The following LMNTD1 variants were observed in gnomAD, a reference collection of about 807,000 sequenced individuals.
LMNTD1 encodes the protein lamin tail domain-containing protein 1.
Under a neutral mutation model 50.9 loss-of-function variants are expected in LMNTD1, and 35 were observed. That is an observed-to-expected ratio of 0.69 (90% CI 0.53 to 0.91). The LOEUF (loss-of-function observed/expected upper bound fraction) is 0.91. Among genes scored for constraint, LMNTD1 ranks in the 40% least tolerant of loss-of-function variants. The pLI is 0.00. For synonymous variants in LMNTD1, 153 were observed against 161.9 expected, an observed-to-expected ratio of 0.94 and a Z score of 0.42; for missense variants, 470 against 475.5, an observed-to-expected ratio of 0.99 and a Z score of 0.11.
At chr12:25,516,709 AAG>A (rs1362277519) in intron 8 of LMNTD1, among the ~76,000 whole-genome samples, 1 of 152,124 alleles carries the variant, frequency 6.6e-6, no homozygotes, top group African/African-American at 2.4e-5. Flanking sequence ...TTTTATGAAA[AAG>A]AAATATAAAC....
At chr12:25,584,500 C>T (rs1014383634) in intron 1 of LMNTD1, among the ~76,000 whole-genome samples, 4 of 152,132 alleles carry the variant, frequency 2.6e-5, no homozygotes, top group Admixed American at 2.6e-4. Context: ...ATTTTATATG[C>T]CTGAGGACAT....
At chr12:25,573,332 T>G (rs1336923187) in intron 1 of LMNTD1, among the ~76,000 whole-genome samples, 1 of 152,158 alleles carries the variant, frequency 6.6e-6, no homozygotes, top group Non-Finnish European at 1.5e-5. Flanking sequence ...CAGCTGTCTC[T>G]AATTATTAGG....
chr12:25,622,141 C>T (rs545132482), intron 1 of LMNTD1, among the ~76,000 whole-genome samples: 3 of 152,286 alleles, frequency 2.0e-5, no homozygotes, highest in Non-Finnish European at 2.9e-5. Flanking sequence ...AAGGGGGCAT[C>T]CCCAGGGAAG....
intron 1 of LMNTD1, among the ~76,000 whole-genome samples, chr12:25,616,289 G>A (rs1245069976): frequency 1.3e-5 from 2 of 152,094 alleles, no homozygotes; most frequent in African/African-American, 4.8e-5. Context: ...TATTTAGGCA[G>A]ACATTGTGCT....
rs182252548 is a variant in LMNTD1 at position 25,480,874 on chromosome 12, C to T, written c.*23-4414G>A. ...CATGAGGTAAAGATACCCTATCTCA[C>T]AGGTGGGCCTGTCTAGCTTGCTGTC... On this transcript the variant is annotated intron_variant, in intron 9 of 9. Coordinates refer to ENST00000458174, the MANE Select transcript of LMNTD1 (RefSeq NM_001145728.2). Among the ~76,000 whole-genome samples, 347 of 152,320 alleles carry T rather than the reference C, an allele frequency of 2.3e-3. 1 individual carries two copies. The highest frequency in any genetic ancestry group is 3.7e-3 in the South Asian group (18 of 4,826).
At chr12:25,606,543 G>T (rs1101395) in intron 1 of LMNTD1, among the ~76,000 whole-genome samples, 8 of 151,898 alleles carry the variant, frequency 5.3e-5, no homozygotes, top group Admixed American at 3.9e-4. Context: ...TAGCATGAAG[G>T]GTTGTTGAAT....
chr12:25,488,944 G>A (rs370409972), intron 9 of LMNTD1, among the ~76,000 whole-genome samples: 2,419 of 152,292 alleles, frequency 0.016, 40 homozygotes, highest in South Asian at 0.05. Context: ...CTGCTCGGGG[G>A]TCAGGGGTCA....
intron 1 of LMNTD1, among the ~76,000 whole-genome samples, chr12:25,580,212 A>G (rs928469763): frequency 6.6e-6 from 1 of 152,014 alleles, no homozygotes; most frequent in Non-Finnish European, 1.5e-5. Flanking sequence ...CATCATCTCT[A>G]TTTTGTAGTT....
Position 25,549,397 on chromosome 12 carries a change from G to A in LMNTD1, c.239C>T (p.Thr80Ile), listed in dbSNP as rs1395945050. ...AGTCAATTGTCCAGTTGTTGATATA[G>A]TTACTCTACTAATCTGAGGACTAGA... ...YLSSPQISRV[T>I]ISTTGQLTSK... The change falls in exon 3 of 10, where the codon ACT becomes ATT. Residue 80 changes from threonine (T) to isoleucine (I), a missense_variant. Physicochemically the swap from Thr to Ile is moderately conservative, Grantham distance 89 (BLOSUM62 -1). Transcript: ENST00000458174. 2 of 1,613,114 alleles carry A rather than the reference G, an allele frequency of 1.2e-6. No homozygotes were observed. Among genetic ancestry groups the A allele is most frequent in the Non-Finnish European group, 1.7e-6 (2 of 1,179,330 alleles).
At chr12:25,614,680 C>G (rs1437204911) in intron 1 of LMNTD1, among the ~76,000 whole-genome samples, 1 of 152,174 alleles carries the variant, frequency 6.6e-6, no homozygotes, top group Non-Finnish European at 1.5e-5. Flanking sequence ...CCTTGGGAGA[C>G]AGAATCAGAC....
chr12:25,563,186 G>A (rs962513458), intron 1 of LMNTD1, among the ~76,000 whole-genome samples: 2 of 152,212 alleles, frequency 1.3e-5, no homozygotes, highest in Admixed American at 6.5e-5. Context: ...CATTGCTGGC[G>A]AGTAGCTGCG....
chr12:25,518,772 G>T, intron 8 of LMNTD1, 23 bp downstream of exon 8: 1 of 1,611,694 alleles, frequency 6.2e-7, no homozygotes, highest in South Asian at 1.1e-5. Flanking sequence ...CTCTCCACTG[G>T]AACAAGCACT....
upstream of LMNTD1, among the ~76,000 whole-genome samples, chr12:25,555,309 T>C (rs1319359990): frequency 6.6e-6 from 1 of 152,130 alleles, no homozygotes; most frequent in Non-Finnish European, 1.5e-5. Context: ...TTGATACAAC[T>C]TATTGGACAG....
At chr12:25,595,801 TG>T in intron 1 of LMNTD1, among the ~76,000 whole-genome samples, 1 of 152,136 alleles carries the variant, frequency 6.6e-6, no homozygotes, top group South Asian at 2.1e-4. Flanking sequence ...AACAAAAAGC[TG>T]GTTTTTTGAA....
chr12:25,514,666 T>A (rs1422209300), intron 8 of LMNTD1, among the ~76,000 whole-genome samples: 1 of 152,142 alleles, frequency 6.6e-6, no homozygotes, highest in East Asian at 1.9e-4. Context: ...TTGAAGGGTG[T>A]AATTGGATTG....
At chr12:25,530,408 C>G (rs1263984303) in intron 4 of LMNTD1, among the ~76,000 whole-genome samples, 1 of 152,158 alleles carries the variant, frequency 6.6e-6, no homozygotes, top group Admixed American at 6.5e-5. Flanking sequence ...GTCATATTTT[C>G]TTTTAAACGT....
chr12:25,569,359 C>A (rs1169068890), intron 1 of LMNTD1, among the ~76,000 whole-genome samples: 1 of 152,142 alleles, frequency 6.6e-6, no homozygotes, highest in Admixed American at 6.5e-5. Context: ...AATGCCTGTA[C>A]CACCATTGTA....
At chr12:25,520,616 G>C (rs1041534286) in intron 6 of LMNTD1, among the ~76,000 whole-genome samples, 1 of 152,158 alleles carries the variant, frequency 6.6e-6, no homozygotes, top group Non-Finnish European at 1.5e-5. Flanking sequence ...CAGACACTTA[G>C]GTTGTTTCCA....
chr12:25,641,121 T>C (rs1389362711), intron 1 of LMNTD1, among the ~76,000 whole-genome samples: 1 of 152,232 alleles, frequency 6.6e-6, no homozygotes, highest in East Asian at 1.9e-4. Context: ...GCATGTAGTA[T>C]GTACTCAACC....
Sources: gnomAD v4.1 joint callset for allele counts (sites outside exome capture counted in the v4.1 genomes callset) on GRCh38, gnomAD v4.1.1 for gene constraint, MANE v1.5 for transcripts, NCBI Gene and HGNC (gene_info 2026-07-23, HGNC 2026-07-21) for gene names.